Variants in ITPR3 observed in about 807,000 individuals in gnomAD.
ITPR3 encodes the protein inositol 1,4,5-trisphosphate receptor type 3, also known as inositol 1,4,5-trisphosphate-gated calcium channel ITPR3.
ITPR3 carries 173 observed loss-of-function variants against 293.2 expected under a neutral mutation model. That is an observed-to-expected ratio of 0.59 (90% CI 0.52 to 0.67). The LOEUF (loss-of-function observed/expected upper bound fraction) is 0.67. ITPR3 is among the 30% of genes least tolerant of loss of function. ITPR3 has a pLI of 0.00. For synonymous variants in ITPR3, 1,295 were observed against 1,444.4 expected (o/e 0.90, Z 2.35); for missense variants, 2,796 against 3,592.1 (o/e 0.78, Z 5.66).
At chr6:33,674,295 GT>G (rs749082308) in intron 24 of ITPR3, 30 bp downstream of exon 24, 9 of 1,610,812 alleles carry the variant, frequency 5.6e-6, no homozygotes, top group Non-Finnish European at 7.6e-6. Flanking sequence ...GCAGGGGTGT[GT>G]GGGGTTGGGA....
intron 2 of ITPR3, among the ~76,000 whole-genome samples, chr6:33,646,773 T>C (rs897631442): frequency 6.6e-6 from 1 of 151,990 alleles, no homozygotes; most frequent in Non-Finnish European, 1.5e-5. Flanking sequence ...AAAAATTAGC[T>C]GGATGTGGTG....
chr6:33,641,015 A>C (rs954298250), intron 2 of ITPR3, among the ~76,000 whole-genome samples: 1 of 152,178 alleles, frequency 6.6e-6, no homozygotes, highest in Non-Finnish European at 1.5e-5. Context: ...CTGTGTCCTC[A>C]GCCCCCTCCT....
chr6:33,661,796 G>C (rs1019347681), intron 7 of ITPR3, among the ~76,000 whole-genome samples: 1 of 151,730 alleles, frequency 6.6e-6, no homozygotes, highest in Non-Finnish European at 1.5e-5. Flanking sequence ...GGAGTTTGAG[G>C]CCAGTCTGGG....
chr6:33,681,326 G>A (rs1561876432), intron 33 of ITPR3, among the ~76,000 whole-genome samples: 1 of 152,216 alleles, frequency 6.6e-6, no homozygotes, highest in Non-Finnish European at 1.5e-5. Flanking sequence ...CCATCCATGG[G>A]ATGGTACAGC....
chr6:33,637,491 C>T (rs191181819), intron 1 of ITPR3, among the ~76,000 whole-genome samples: 8 of 152,260 alleles, frequency 5.3e-5, no homozygotes, highest in Admixed American at 2.0e-4. Flanking sequence ...GTTTTTTTAA[C>T]GGAGTCCCGC....
In ITPR3 at chr6:33,664,997, C is replaced by T; in HGVS notation, c.1248+28C>T. ...GCGTGTCCCTGGGGTGGGGGTGGGG[C>T]TGGGGCCAGGGCCGGAGCTTGTTCC... On this transcript the variant is annotated intron_variant, in intron 12 of 57. Coordinates refer to ENST00000605930, the MANE Select transcript of ITPR3 (RefSeq NM_002224.4). The surrounding 1 kb of genome is among the most constrained non-coding windows in gnomAD (Gnocchi z 4.4). The T allele has an allele frequency of 6.3e-7, 1 of 1,596,296 alleles. No individual in the cohort carries two copies. Among genetic ancestry groups the T allele is most frequent in the Non-Finnish European group, 8.6e-7 (1 of 1,165,552 alleles).
At position 33,688,117 on chromosome 6, in the gene ITPR3, G is replaced by A. The variant is rs950788417; in HGVS notation, c.6325G>A (p.Glu2109Lys). Residue 2109 changes from glutamate to lysine, a missense_variant, in exon 47 of 58, where the codon GAG becomes AAG. Around this residue, in one of 8 missense-constraint regions of ITPR3, gnomAD observed 568 missense variants for 796.1 expected, o/e 0.71. Transcript: ENST00000605930. ...MLKSSAPAQE[E>K]EEDPLAYYEN... ...CAAGTCCTCAGCGCCAGCACAGGAG[G>A]AGGAGGAAGACCCCCTGGCCTACTA... is the stretch of plus-strand genomic sequence containing the variant. 6 of 1,614,030 alleles carry A rather than the reference G, an allele frequency of 3.7e-6. 1 individual carries two copies. The highest frequency in any genetic ancestry group is 3.3e-4 in the Middle Eastern group (2 of 6,082).
At chr6:33,688,503 T>C in intron 48 of ITPR3, 72 bp downstream of exon 48, 3 of 1,498,142 alleles carry the variant, frequency 2.0e-6, no homozygotes, top group Non-Finnish European at 1.8e-6. Flanking sequence ...ACGGCCTCCT[T>C]TGCCTGCCTG....
intron 56 of ITPR3, 88 bp from the exon 57 acceptor site, chr6:33,694,823 TAAGGGTGTGGCAG>T: frequency 6.9e-7 from 1 of 1,442,892 alleles, no homozygotes; most frequent in South Asian, 1.2e-5. Context: ...GTAGTTTTGT[TAAGGGTGTGGCAG>T]AAGCCTCCCC....
chr6:33,639,773 G>A (rs1392093403), intron 1 of ITPR3, among the ~76,000 whole-genome samples: 1 of 151,938 alleles, frequency 6.6e-6, no homozygotes, highest in Non-Finnish European at 1.5e-5. Flanking sequence ...AGATGGATGG[G>A]TGGAGGGATG....
intron 2 of ITPR3, among the ~76,000 whole-genome samples, chr6:33,646,569 T>C (rs1311350309): frequency 6.6e-6 from 1 of 152,086 alleles, no homozygotes; most frequent in South Asian, 2.1e-4. Context: ...CTTCTGGAGA[T>C]CTTTCTCTCT....
rs2127301871 is a variant in ITPR3 at position 33,682,990 on chromosome 6, G to C, written c.4598-217G>C. Among the ~76,000 whole-genome samples the C allele has an allele frequency of 6.6e-6, 1 of 152,008 alleles. No individual in the cohort carries two copies. Among genetic ancestry groups the C allele is most frequent in the African/African-American group, 2.4e-5 (1 of 41,380 alleles). ...GAGAGGAAGGGGAAGTCAGGGTAGAGCCGGGGGGAATCAAAGAGGCAGAAA... is the reference window on the plus strand; with the variant it reads ...GAGAGGAAGGGGAAGTCAGGGTAGACCCGGGGGGAATCAAAGAGGCAGAAA... On this transcript the variant is annotated intron_variant, in intron 34 of 57. Transcript: ENST00000605930. The surrounding 1 kb of genome is among the most constrained non-coding windows in gnomAD (Gnocchi z 5.4).
At chr6:33,643,337 C>T (rs1763991260) in intron 2 of ITPR3, among the ~76,000 whole-genome samples, 1 of 152,206 alleles carries the variant, frequency 6.6e-6, no homozygotes, top group Non-Finnish European at 1.5e-5. Context: ...TCGCAAAGCC[C>T]CCACCACCCC....
chr6:33,635,429 T>C (rs1763796809), intron 1 of ITPR3, among the ~76,000 whole-genome samples: 1 of 152,164 alleles, frequency 6.6e-6, no homozygotes, highest in South Asian at 2.1e-4. Context: ...TCAGTATGTA[T>C]TTTGTGTGTC....
intron 6 of ITPR3, 132 bp from the exon 7 acceptor site, chr6:33,659,334 A>G: frequency 1.1e-6 from 1 of 928,866 alleles, no homozygotes; most frequent in South Asian, 1.6e-5. Flanking sequence ...GGGTCTGGGG[A>G]CCCTGGCTAG....
intron 17 of ITPR3, 140 bp from the exon 18 acceptor site, chr6:33,668,834 C>A (rs890110092): frequency 1.7e-6 from 2 of 1,171,126 alleles, no homozygotes; most frequent in South Asian, 1.5e-5. Flanking sequence ...GAATGAGCCA[C>A]GGACCCTGCC....
In ITPR3 at chr6:33,667,757, A is replaced by T. The variant is rs1367446797; in HGVS notation, c.1714-35A>T. On this transcript the variant is annotated intron_variant, in intron 15 of 57. Transcript: ENST00000605930. This position sits in a 1 kb window ranked among gnomAD's most constrained non-coding sequence, Gnocchi z 4.4. ...GAGCTGGGCCCTTGGCCCACCTGTG[A>T]CTCTCTGTGACCCCCAGCCTGTCTG... 1 of 1,609,926 alleles carries T rather than the reference A, an allele frequency of 6.2e-7. No homozygotes were observed. Among genetic ancestry groups the T allele is most frequent in the East Asian group, 2.2e-5 (1 of 44,770 alleles).
intron 2 of ITPR3, among the ~76,000 whole-genome samples, chr6:33,648,042 G>A (rs995365887): frequency 1.3e-5 from 2 of 150,214 alleles, no homozygotes; most frequent in Non-Finnish European, 3.0e-5. Context: ...GTCTCCAAAT[G>A]TTATGATTAT....
chr6:33,683,177 C>T lies in ITPR3; in HGVS notation c.4598-30C>T, dbSNP rs1225218664. 27 of 1,463,328 alleles carry T rather than the reference C, an allele frequency of 1.8e-5. No homozygotes were observed. Among genetic ancestry groups the T allele is most frequent in the Non-Finnish European group, 2.4e-5 (26 of 1,095,314 alleles). The allele number at this position is 1,463,328 out of a possible 1,614,324, so 90.6% of individuals were successfully genotyped here. On this transcript the variant is annotated intron_variant, in intron 34 of 57. Transcript: ENST00000605930. This position sits in a 1 kb window ranked among gnomAD's most constrained non-coding sequence, Gnocchi z 4.5. ...GCTGGCTGAACTGCCCCCGCACCAG[C>T]ACTCCAGCACTCCCTCCCTTCCCAC...
Sources: allele counts gnomAD v4.1 joint callset (sites outside exome capture counted in the v4.1 genomes callset), GRCh38; gene constraint gnomAD v4.1.1; regional missense constraint gnomAD v4.1.1; non-coding constraint Gnocchi (gnomAD v3.1); transcripts MANE v1.5; gene names NCBI Gene and HGNC (gene_info 2026-07-23, HGNC 2026-07-21).